Variants in HDAC3 observed in about 807,000 individuals in gnomAD.
The protein encoded by HDAC3 is SMAP45.
HDAC3 carries 21 observed loss-of-function variants against 62.3 expected under a neutral mutation model. The observed-to-expected ratio is 0.34, with a 90% CI of 0.24 to 0.49. The LOEUF (loss-of-function observed/expected upper bound fraction) is 0.49. Among genes scored for constraint, HDAC3 ranks in the 20% least tolerant of loss-of-function variants. The probability of loss-of-function intolerance (pLI) is 0.99; values close to 1 mark genes in which losing one functional copy is unlikely to be tolerated. For synonymous variants in HDAC3, 198 were observed against 206.5 expected (o/e 0.96, Z 0.35); for missense variants, 270 against 556.9 (o/e 0.48, Z 5.19).
chr5:141,622,533 G>A (rs141145405), intron 14 of HDAC3, among the ~76,000 whole-genome samples: 2 of 152,156 alleles, frequency 1.3e-5, no homozygotes, highest in East Asian at 3.9e-4. Context: ...GAACCTGGGA[G>A]GCGGAGGTTG....
rs377215513 is a variant in HDAC3 at position 141,629,516 on chromosome 5, AGCAG to A, written c.476+164_476+167del. The A allele has an allele frequency of 3.4e-6, 3 of 885,320 alleles. No homozygotes were observed. Among genetic ancestry groups the A allele is most frequent in the Middle Eastern group, 3.5e-4 (1 of 2,876 alleles). 54.8% of individuals were successfully genotyped at this position (885,320 alleles called of 1,614,324 possible). On this transcript the variant is annotated intron_variant, in intron 6 of 14. Transcript: ENST00000305264. This position sits in a 1 kb window ranked among gnomAD's most constrained non-coding sequence, Gnocchi z 5.3. Reference sequence around the variant, plus strand: ...GATATGCAGAGAAGGCTGAAATGTGAGCAGGCAGTAGGGAATCTGCAGCAGTGGA... The same window carrying A: ...GATATGCAGAGAAGGCTGAAATGTGAGCAGTAGGGAATCTGCAGCAGTGGA...
intron 14 of HDAC3, among the ~76,000 whole-genome samples, chr5:141,624,372 CAAAAAAAAA>C (rs58610895): frequency 8.6e-4 from 19 of 22,094 alleles, no homozygotes; most frequent in South Asian, 6.3e-3. Context: ...CCGTCTCTAC[CAAAAAAAAA>C]AAAAAAAAAA....
In HDAC3 at chr5:141,625,381, G is replaced by A; in HGVS notation, c.1060-16C>T. The stretch of plus-strand genomic sequence containing the variant: ...GGTCCAGATACTGGTTGGAAATGAG[G>A]AATACAGAGTGAGCAGTTTCCAGAG... On this transcript the variant is annotated splice_polypyrimidine_tract_variant and intron_variant, in intron 13 of 14. Transcript: ENST00000305264. The surrounding 1 kb of genome is among the most constrained non-coding windows in gnomAD (Gnocchi z 4.0). 7 of 1,613,644 alleles carry A rather than the reference G, an allele frequency of 4.3e-6. No homozygotes were observed. The highest frequency in any genetic ancestry group is 1.7e-5 in the Admixed American group (1 of 59,904).
At position 141,630,129 on chromosome 5, in the gene HDAC3, C is replaced by T; in HGVS notation, c.282-4G>A. On this transcript the variant is annotated splice_polypyrimidine_tract_variant and splice_region_variant and intron_variant, in intron 3 of 14. Transcript: ENST00000305264. ...AAAGAGCCCGGGAAACACTGGGCTG[C>T]AGGGAAGAGGAACAAGTTGGAACCC... 6.2e-7 allele frequency: 1 copy of T among 1,613,682 alleles called. No individual in the cohort carries two copies. Among genetic ancestry groups the T allele is most frequent in the Non-Finnish European group, 8.5e-7 (1 of 1,179,948 alleles).
At chr5:141,623,146 T>G (rs527246181) in intron 14 of HDAC3, among the ~76,000 whole-genome samples, 3 of 152,028 alleles carry the variant, frequency 2.0e-5, no homozygotes, top group South Asian at 2.1e-4. Context: ...GAAAGAAAGT[T>G]ACTTAGACTC....
intron 2 of HDAC3, 33 bp from the exon 3 acceptor site, chr5:141,634,986 G>A: frequency 6.2e-7 from 1 of 1,609,434 alleles, no homozygotes; most frequent in Admixed American, 1.7e-5. Context: ...AACCCAGGCA[G>A]GGTCAGCCCC....
rs1327372416 is a variant in HDAC3, at chr5:141,625,560, A to G, written c.1059+125T>C. 7.9e-6 allele frequency: 9 copies of G among 1,135,088 alleles called. No individual in the cohort carries two copies. The highest frequency in any genetic ancestry group is 1.9e-5 in the Admixed American group (1 of 52,882). The allele number at this position is 1,135,088 out of a possible 1,614,324, so 70.3% of individuals were successfully genotyped here. ...TTTAAACTGGACTGCCTCCTAGTCA[A>G]TAACAGTGACTGTGATGGCTTAGAA... On this transcript the variant is annotated intron_variant, in intron 13 of 14. Coordinates refer to ENST00000305264, the MANE Select transcript of HDAC3 (RefSeq NM_003883.4). This position sits in a 1 kb window ranked among gnomAD's most constrained non-coding sequence, Gnocchi z 4.0.
Position 141,624,671 on chromosome 5 carries a change from T to C in HDAC3, c.1217+537A>G, listed in dbSNP as rs147903900. On this transcript the variant is annotated intron_variant, in intron 14 of 14. Coordinates refer to ENST00000305264, the MANE Select transcript of HDAC3 (RefSeq NM_003883.4). ...AAGATGTATAATGTAAGGGGGTTCA[T>C]TGCCACATTATTATTGTAATACCAA... 3.7e-3 allele frequency among the ~76,000 whole-genome samples: 569 copies of C among 152,138 alleles called. 5 individuals are homozygous for C. Among genetic ancestry groups the C allele is most frequent in the Admixed American group, 0.011 (164 of 15,298 alleles).
In HDAC3 at chr5:141,628,181, T is replaced by C. The variant is rs1327141308; in HGVS notation, c.698A>G (p.Lys233Arg). 6.2e-7 allele frequency: 1 copy of C among 1,614,022 alleles called. No individual in the cohort carries two copies. Among genetic ancestry groups the C allele is most frequent in the South Asian group, 1.1e-5 (1 of 91,064 alleles). The change falls in exon 9 of 15, where the codon AAG (lysine) becomes AGG (arginine). Residue 233 changes from lysine to arginine, a missense_variant. By Grantham distance (26) the Lys-to-Arg change is conservative. Around this residue, in one of 5 missense-constraint regions of HDAC3, gnomAD observed 156 missense variants for 383.9 expected, o/e 0.41. Transcript: ENST00000305264. This position sits in a 1 kb window ranked among gnomAD's most constrained non-coding sequence, Gnocchi z 4.7. ...GTTGATAACCGGCTGGAAAAGGTGCTTGTAACCTGGGAGAGGGCCAAAGAT... is the reference window on the plus strand; with the variant it reads ...GTTGATAACCGGCTGGAAAAGGTGCCTGTAACCTGGGAGAGGGCCAAAGAT... ...LRDGIDDQSY[K>R]HLFQPVINQV...
chr5:141,633,516 T>C (rs1596444975), intron 3 of HDAC3, among the ~76,000 whole-genome samples: 1 of 151,998 alleles, frequency 6.6e-6, no homozygotes, highest in African/African-American at 2.4e-5. Flanking sequence ...TGAGGGAGTA[T>C]AGATGAAGTA....
intron 14 of HDAC3, among the ~76,000 whole-genome samples, chr5:141,624,022 G>A (rs1334726357): frequency 2.7e-5 from 4 of 145,836 alleles, no homozygotes; most frequent in Non-Finnish European, 4.5e-5. Context: ...TATTTTGTAT[G>A]TATCTCAGAA....
At chr5:141,632,693 G>A (rs772572701) in intron 3 of HDAC3, among the ~76,000 whole-genome samples, 6 of 152,230 alleles carry the variant, frequency 3.9e-5, no homozygotes, top group Non-Finnish European at 8.8e-5. Flanking sequence ...CAAATGAGCA[G>A]TGCAGTGTGT....
Position 141,636,786 on chromosome 5 carries a change from G to C in HDAC3, c.5C>G (p.Ala2Gly), listed in dbSNP as rs763346840. The change falls in exon 1 of 15, where the codon GCC becomes GGC. Residue 2 changes from alanine to glycine, a missense_variant. Transcript: ENST00000305264. The stretch of plus-strand genomic sequence containing the variant: ...GTCGTAGAAATAGGCCACGGTCTTG[G>C]CCATGGTGCCGGCGGGAGCAGGCCC... Reference protein sequence around the residue: MAKTVAYFYDPD... With the variant: MGKTVAYFYDPD... 1 of 1,610,798 alleles carries C rather than the reference G, an allele frequency of 6.2e-7. No homozygotes were observed. Among genetic ancestry groups the C allele is most frequent in the Non-Finnish European group, 8.5e-7 (1 of 1,178,056 alleles).
rs1352765866 is a variant in HDAC3 at position 141,635,263 on chromosome 5, T to TC, written c.139-311dup. On this transcript the variant is annotated intron_variant, in intron 2 of 14. Coordinates refer to ENST00000305264, the MANE Select transcript of HDAC3 (RefSeq NM_003883.4). ...CCCAGTTCTCTCCATGCTCATCTCC[T>TC]CCCCCAAGCTCTGATTCTGTCCTCT... 8.6e-5 allele frequency: 21 copies of TC among 243,554 alleles called. No homozygotes were observed. In the East Asian group the frequency reaches 1.7e-3, roughly 20 times the overall value. 15.1% of individuals were successfully genotyped at this position (243,554 alleles called of 1,614,324 possible).
chr5:141,625,600 GT>G lies in HDAC3; in HGVS notation c.1059+84del. On this transcript the variant is annotated intron_variant, in intron 13 of 14. Transcript: ENST00000305264. This position sits in a 1 kb window ranked among gnomAD's most constrained non-coding sequence, Gnocchi z 4.0. ...ATGGCTTAGAACTTCCTTCTCTTTG[GT>G]TTTTCCTACTTCCCACATCTTTGAC... 1.4e-6 allele frequency: 2 copies of G among 1,386,092 alleles called. No individual in the cohort carries two copies. Among genetic ancestry groups the G allele is most frequent in the Non-Finnish European group, 2.1e-6 (2 of 974,984 alleles). The allele number at this position is 1,386,092 out of a possible 1,614,324, so 85.9% of individuals were successfully genotyped here.
In HDAC3 at chr5:141,636,709, C is replaced by T. The variant is rs32954; in HGVS notation, c.55+27G>A. The T allele has an allele frequency of 3.7e-6, 6 of 1,613,518 alleles. No individual in the cohort carries two copies. The East Asian group carries it at 6.7e-5, about 18-fold the overall frequency. On this transcript the variant is annotated intron_variant, in intron 1 of 14. Coordinates refer to ENST00000305264, the MANE Select transcript of HDAC3 (RefSeq NM_003883.4). Reference sequence around the variant, plus strand: ...CGCCTCAAAACCTCCGTGTCCCAACCCCTCATGCATATCCCTGTTTCCTCA... The same window carrying T: ...CGCCTCAAAACCTCCGTGTCCCAACTCCTCATGCATATCCCTGTTTCCTCA...
intron 3 of HDAC3, among the ~76,000 whole-genome samples, chr5:141,630,721 G>A (rs1161696263): frequency 6.6e-6 from 1 of 152,114 alleles, no homozygotes; most frequent in African/African-American, 2.4e-5. Context: ...GTAACATTCT[G>A]GAAAAGGTAA....
chr5:141,628,020 C>T lies in HDAC3; in HGVS notation c.766-63G>A. The T allele has an allele frequency of 1.2e-6, 2 of 1,602,214 alleles. No individual in the cohort carries two copies. The highest frequency in any genetic ancestry group is 2.2e-5 in the South Asian group (2 of 90,852). On this transcript the variant is annotated intron_variant, in intron 9 of 14. Coordinates refer to ENST00000305264, the MANE Select transcript of HDAC3 (RefSeq NM_003883.4). This position sits in a 1 kb window ranked among gnomAD's most constrained non-coding sequence, Gnocchi z 4.7. ...GAACTGATCAGAACATCACAGATAC[C>T]CCTTCCACCACCAACCTAAAGAACC...
rs2154597875 is a variant in HDAC3 at position 141,628,700 on chromosome 5, G to A, written c.611-61C>T. The A allele has an allele frequency of 8.2e-7, 1 of 1,221,512 alleles. No homozygotes were observed. The highest frequency in any genetic ancestry group is 1.2e-6 in the Non-Finnish European group (1 of 829,380). 75.7% of individuals were successfully genotyped at this position (1,221,512 alleles called of 1,614,324 possible). ...AAGCACCCACAACCCAGCTGTTTCAGCCCCAATCTGCACTCTGGGAGCCTC... is the reference window on the plus strand; with the variant it reads ...AAGCACCCACAACCCAGCTGTTTCAACCCCAATCTGCACTCTGGGAGCCTC... On this transcript the variant is annotated intron_variant, in intron 7 of 14. Transcript: ENST00000305264. This position sits in a 1 kb window ranked among gnomAD's most constrained non-coding sequence, Gnocchi z 4.7.
Sources: allele counts gnomAD v4.1 joint callset (sites outside exome capture counted in the v4.1 genomes callset), GRCh38; gene constraint gnomAD v4.1.1; regional missense constraint gnomAD v4.1.1; non-coding constraint Gnocchi (gnomAD v3.1); transcripts MANE v1.5; gene names NCBI Gene and HGNC (gene_info 2026-07-23, HGNC 2026-07-21).